Variants in MYLK observed in about 807,000 individuals in gnomAD.
MYLK encodes the protein myosin light chain kinase, smooth muscle.
Under a neutral mutation model 203.4 loss-of-function variants are expected in MYLK, and 106 were observed. The observed-to-expected ratio is 0.52, with a 90% CI of 0.45 to 0.61. The LOEUF is 0.61. Among genes scored for constraint, MYLK ranks in the 20% least tolerant of loss-of-function variants. The pLI is 0.00. For synonymous variants in MYLK, 867 were observed against 959.5 expected, an observed-to-expected ratio of 0.90 and a Z score of 1.78; for missense variants, 2,072 against 2,442.3, an observed-to-expected ratio of 0.85 and a Z score of 3.20.
Position 123,869,895 on chromosome 3 carries a change from G to A in MYLK, c.-127+6664C>T, listed in dbSNP as rs2032636336. On this transcript the variant is annotated intron_variant, in intron 2 of 33. Transcript: ENST00000360304. ...CCACCCAGCCCTCCCAATCAATTAG[G>A]AAAATTGGCTAAGATGGACGATGAA... 6.0e-5 allele frequency among the ~76,000 whole-genome samples: 9 copies of A among 150,168 alleles called. No homozygotes were observed. In the South Asian group the frequency reaches 1.9e-3, roughly 32 times the overall value.
rs928471372 is a variant in MYLK, at chr3:123,647,307, G to A, written c.4536C>T (p.Ile1512=). The change falls in exon 27 of 34, where the codon ATC becomes ATT. Residue 1512 remains isoleucine (I), a synonymous_variant. Transcript: ENST00000360304. ...EKENIRQEIS[I]MNCLHHPKLV... is the part of the protein sequence containing the mutation. ...GCTTAGGGTGGTGGAGGCAGTTCAT[G>A]ATGCTAATCTCCTGCCGGATATTCT... 4 of 1,614,096 alleles carry A rather than the reference G, an allele frequency of 2.5e-6. No individual in the cohort carries two copies. The African/African-American group carries it at 4.0e-5, about 16-fold the overall frequency.
intron 4 of MYLK, among the ~76,000 whole-genome samples, chr3:123,792,467 G>C (rs140596935): frequency 1.2e-4 from 18 of 152,168 alleles, no homozygotes; most frequent in Admixed American, 1.1e-3. Flanking sequence ...CCAGCCCCTG[G>C]TGACCACCTT....
chr3:123,634,577 G>A (rs2058567532), intron 29 of MYLK, among the ~76,000 whole-genome samples: 1 of 152,240 alleles, frequency 6.6e-6, no homozygotes, highest in African/African-American at 2.4e-5. Flanking sequence ...AAACAAACAA[G>A]CATGAATGGG....
intron 13 of MYLK, among the ~76,000 whole-genome samples, chr3:123,717,571 G>A (rs2061939569): frequency 6.7e-6 from 1 of 148,452 alleles, no homozygotes; most frequent in East Asian, 2.0e-4. Flanking sequence ...AGACACTTAA[G>A]AATTTTAGCC....
intron 8 of MYLK, chr3:123,735,676 A>T (rs1463567031): frequency 2.1e-6 from 1 of 471,932 alleles, no homozygotes; most frequent in Admixed American, 3.3e-5. Flanking sequence ...CTGTTCACTA[A>T]ACAGAAGGAA....
chr3:123,738,055 C>T (rs181184990), intron 7 of MYLK, among the ~76,000 whole-genome samples: 58 of 152,040 alleles, frequency 3.8e-4, no homozygotes, highest in Middle Eastern at 3.4e-3. Context: ...CACCTCTCCC[C>T]CTTAAGCTTC....
intron 20 of MYLK, among the ~76,000 whole-genome samples, chr3:123,677,896 TATATATATATATATATATATATACAC>T (rs1393027393): frequency 1.7e-4 from 16 of 94,236 alleles, no homozygotes; most frequent in African/African-American, 7.1e-4. Flanking sequence ...TATATATATA[TATATATATATATATATATATATACAC>T]ACACACACAC....
rs1435399554 is a variant in MYLK, at chr3:123,734,445, C to A, written c.774-223G>T. On this transcript the variant is annotated intron_variant, in intron 9 of 33. Transcript: ENST00000360304. ...ACACTTGCCTGTCCCACAACCCTGC[C>A]CAGAGCCCTGCTTTCCCTACAGTTC... is the stretch of plus-strand genomic sequence containing the variant. 9 of 488,238 alleles carry A rather than the reference C, an allele frequency of 1.8e-5. No individual in the cohort carries two copies. The East Asian group carries it at 3.0e-4, about 16-fold the overall frequency. The allele number at this position is 488,238 out of a possible 1,614,324, so 30.2% of individuals were successfully genotyped here.
At chr3:123,632,538 C>T (rs1029798607) in intron 29 of MYLK, among the ~76,000 whole-genome samples, 4 of 152,180 alleles carry the variant, frequency 2.6e-5, no homozygotes, top group South Asian at 4.2e-4. Context: ...GCCTCTGGCA[C>T]TCCTCCTTCC....
chr3:123,820,642 CCCTCCTTCCT>C (rs2065897866), intron 3 of MYLK, among the ~76,000 whole-genome samples: 9 of 79,808 alleles, frequency 1.1e-4, no homozygotes, highest in East Asian at 4.0e-4. Flanking sequence ...TTCCTTCCTT[CCCTCCTTCCT>C]TCCTTCCTTC....
At position 123,709,829 on chromosome 3, in the gene MYLK, G is replaced by C; in HGVS notation, c.1869C>G (p.Pro623=). Residue 623 remains proline, a synonymous_variant, in exon 14 of 34, where the codon CCC becomes CCG. Transcript: ENST00000360304. ...GATCAGAGAGGCCCTGCAGGAAGAT[G>C]GGTGCAGTGGGCTTGCTGGGAGCCA... is the stretch of plus-strand genomic sequence containing the variant. The part of the protein sequence containing the change: ...LPVAPSKPTA[P]IFLQGLSDLK... The C allele has an allele frequency of 6.2e-7, 1 of 1,614,206 alleles. No homozygotes were observed. Among genetic ancestry groups the C allele is most frequent in the Non-Finnish European group, 8.5e-7 (1 of 1,180,038 alleles).
At position 123,625,999 on chromosome 3, in the gene MYLK, C is replaced by T. The variant is rs185285614; in HGVS notation, c.5238+819G>A. On this transcript the variant is annotated intron_variant, in intron 31 of 33. Transcript: ENST00000360304. ...CAAGCTCTGGGTTTGAATCCTGACCCTTCTGCTTATTAGCTGTGTGATCCT... is the reference window on the plus strand; with the variant it reads ...CAAGCTCTGGGTTTGAATCCTGACCTTTCTGCTTATTAGCTGTGTGATCCT... Among the ~76,000 whole-genome samples, 255 of 152,284 alleles carry T rather than the reference C, an allele frequency of 1.7e-3. 1 individual carries two copies. The highest frequency in any genetic ancestry group is 5.9e-3 in the African/African-American group (247 of 41,544).
Position 123,657,388 on chromosome 3 carries a change from G to A in MYLK, c.4026C>T (p.Asp1342=), listed in dbSNP as rs886039112. ...ACAGGGTCAGTGAGGAGCTCCGAAT[G>A]TCAGAGGCACAAGGTGTGCCAGCTG... ...DPPAGTPCAS[D]IRSSSLTLSW... The change falls in exon 24 of 34, where the codon GAC becomes GAT. Residue 1342 remains aspartate, a synonymous_variant. Coordinates refer to ENST00000360304, the MANE Select transcript of MYLK (RefSeq NM_053025.4). The A allele has an allele frequency of 6.2e-7, 1 of 1,613,998 alleles. No individual in the cohort carries two copies. The highest frequency in any genetic ancestry group is 8.5e-7 in the Non-Finnish European group (1 of 1,180,030).
chr3:123,831,991 T>C (rs999877071), intron 2 of MYLK, among the ~76,000 whole-genome samples: 1 of 152,084 alleles, frequency 6.6e-6, no homozygotes, highest in African/African-American at 2.4e-5. Context: ...AGGAAGGCCA[T>C]GGGAGCTGCC....
intron 4 of MYLK, among the ~76,000 whole-genome samples, chr3:123,774,804 A>G (rs1208299158): frequency 6.6e-6 from 1 of 152,104 alleles, no homozygotes; most frequent in Admixed American, 6.5e-5. Context: ...CTTCTTTCCT[A>G]TATTTTTTGT....
intron 33 of MYLK, among the ~76,000 whole-genome samples, chr3:123,615,109 C>T (rs188864467): frequency 1.3e-3 from 191 of 151,282 alleles, no homozygotes; most frequent in Middle Eastern, 3.4e-3. Context: ...GCCACCACAC[C>T]CACCCATCTT....
intron 4 of MYLK, among the ~76,000 whole-genome samples, chr3:123,788,089 G>T (rs2109070873): frequency 6.6e-6 from 1 of 152,284 alleles, no homozygotes; most frequent in East Asian, 1.9e-4. Flanking sequence ...GCAGGAGGTG[G>T]CACCGTCAGA....
chr3:123,694,848 A>G (rs2060846646), intron 18 of MYLK, among the ~76,000 whole-genome samples: 1 of 152,330 alleles, frequency 6.6e-6, no homozygotes, highest in African/African-American at 2.4e-5. Flanking sequence ...TGGCTACCCC[A>G]GATGAAGAAT....
chr3:123,719,135 T>C lies in MYLK; in HGVS notation c.1804+2993A>G, dbSNP rs2086783. 7.4e-3 allele frequency among the ~76,000 whole-genome samples: 1,121 copies of C among 152,284 alleles called. 12 individuals are homozygous for C. Among genetic ancestry groups the C allele is most frequent in the African/African-American group, 0.025 (1,040 of 41,548 alleles). ...GGGCTGCACCAGCAATCTCGATGAT[T>C]GCAAAATCTCGGCAAAAGGCGAGAG... is the stretch of plus-strand genomic sequence containing the variant. On this transcript the variant is annotated intron_variant, in intron 13 of 33. Transcript: ENST00000360304.
Sources: allele counts gnomAD v4.1 joint callset (sites outside exome capture counted in the v4.1 genomes callset), GRCh38; gene constraint gnomAD v4.1.1; transcripts MANE v1.5; gene names NCBI Gene and HGNC (gene_info 2026-07-23, HGNC 2026-07-21).